Variants in SCN7A observed in about 807,000 individuals in gnomAD.
SCN7A encodes sodium channel protein type 7 subunit alpha.
Under a neutral mutation model 155.2 loss-of-function variants are expected in SCN7A, and 138 were observed. The observed-to-expected ratio is 0.89, with a 90% confidence interval of 0.77 to 1.02. SCN7A has a LOEUF of 1.02. Among genes scored for constraint, SCN7A ranks in the 50% least tolerant of loss-of-function variants. The pLI, the probability that SCN7A is intolerant of heterozygous loss-of-function variation, is 0.00. For synonymous variants in SCN7A, 693 were observed against 649.0 expected (o/e 1.07, Z -1.03); for missense variants, 2,058 against 1,986.6 (o/e 1.04, Z -0.68).
At chr2:166,440,619 TTA>T (rs1262182139) in intron 15 of SCN7A, 3 of 152,100 alleles carry the variant, frequency 2.0e-5, no homozygotes, top group Non-Finnish European at 2.9e-5. Context: ...ACAAATATAT[TTA>T]GTTAAATACA....
intron 11 of SCN7A, among the ~76,000 whole-genome samples, chr2:166,449,466 T>C (rs920755824): frequency 3.3e-5 from 5 of 152,108 alleles, no homozygotes; most frequent in African/African-American, 9.7e-5. Context: ...ATAGATACCA[T>C]GGAAATCATT....
At chr2:166,422,189 C>G (rs1473061512) in intron 19 of SCN7A, among the ~76,000 whole-genome samples, 1 of 152,036 alleles carries the variant, frequency 6.6e-6, no homozygotes, top group Non-Finnish European at 1.5e-5. Context: ...GAGCTTCTAT[C>G]ATTGTTTATA....
intron 2 of SCN7A, among the ~76,000 whole-genome samples, chr2:166,480,496 A>C (rs35549649): frequency 4.0e-5 from 6 of 151,702 alleles, no homozygotes; most frequent in East Asian, 3.9e-4. Flanking sequence ...CAAAAAAAAA[A>C]CAGCCTTTCA....
At chr2:166,453,978 A>C (rs2105458656) in intron 11 of SCN7A, among the ~76,000 whole-genome samples, 1 of 152,312 alleles carries the variant, frequency 6.6e-6, no homozygotes, top group African/African-American at 2.4e-5. Context: ...CTTCCAGGAA[A>C]AGAAATGGGT....
At chr2:166,435,376 C>G (rs192392950) in intron 15 of SCN7A, among the ~76,000 whole-genome samples, 258 of 152,170 alleles carry the variant, frequency 1.7e-3, no homozygotes, top group Non-Finnish European at 2.6e-3. Context: ...ATTCTAGTCA[C>G]AGAATCTGTA....
At chr2:166,463,140 G>A (rs1702451612) in intron 9 of SCN7A, among the ~76,000 whole-genome samples, 1 of 152,106 alleles carries the variant, frequency 6.6e-6, no homozygotes, top group Non-Finnish European at 1.5e-5. Flanking sequence ...TTATTTAAGG[G>A]TGAGAAAACA....
chr2:166,473,889 G>T lies in SCN7A; in HGVS notation c.354-1C>A. On this transcript the variant is annotated splice_acceptor_variant, in intron 4 of 25. Coordinates refer to ENST00000643258, the MANE Select transcript of SCN7A (RefSeq NM_002976.4). LOFTEE classifies it high-confidence loss of function. ...AATTAGAATAAACAGTTGGAAAAAG[G>T]TAGCTTATAGTCAAGGAATAATAGT... The T allele has an allele frequency of 6.7e-7, 1 of 1,499,410 alleles. No homozygotes were observed. The highest frequency in any genetic ancestry group is 9.2e-7 in the Non-Finnish European group (1 of 1,090,812). The allele number at this position is 1,499,410 out of a possible 1,614,324, so 92.9% of individuals were successfully genotyped here.
intron 3 of SCN7A, among the ~76,000 whole-genome samples, chr2:166,476,330 T>C (rs1320936477): frequency 6.6e-6 from 1 of 152,022 alleles, no homozygotes; most frequent in Non-Finnish European, 1.5e-5. Context: ...CAATTCCTTG[T>C]CACCCATTTG....
intron 2 of SCN7A, among the ~76,000 whole-genome samples, chr2:166,478,273 C>T (rs761373266): frequency 5.3e-5 from 8 of 150,218 alleles, no homozygotes; most frequent in East Asian, 1.9e-4. Context: ...ACGTTGTGCA[C>T]GTATACCCTA....
In SCN7A at chr2:166,405,799, C is replaced by CT; in HGVS notation, c.4829dup (p.Ile1611AspfsTer4). 6.2e-7 allele frequency: 1 copy of CT among 1,613,030 alleles called. No individual in the cohort carries two copies. Among genetic ancestry groups the CT allele is most frequent in the Non-Finnish European group, 8.5e-7 (1 of 1,179,354 alleles). On this transcript the variant is annotated frameshift_variant, in exon 26 of 26. Coordinates refer to ENST00000643258, the MANE Select transcript of SCN7A (RefSeq NM_002976.4). LOFTEE classifies it low-confidence loss of function (END_TRUNC). ...TAGTCGTAATTGGCTCACATGTGAT[C>CT]TTAAAAGGGTTGGCTAACAAAAACC...
Position 166,427,756 on chromosome 2 carries a change from C to T in SCN7A, c.2853+32G>A, listed in dbSNP as rs371049303. 20 of 1,574,472 alleles carry T rather than the reference C, an allele frequency of 1.3e-5. No individual in the cohort carries two copies. In the African/African-American group the frequency reaches 2.7e-4, roughly 21 times the overall value. ...AGAATCATGATACATTTGTCCCCAG[C>T]AAAGTATCAAACACCCTGGCTGCCC... On this transcript the variant is annotated intron_variant, in intron 18 of 25. Coordinates refer to ENST00000643258, the MANE Select transcript of SCN7A (RefSeq NM_002976.4).
At chr2:166,475,958 CT>C (rs1702787569) in intron 3 of SCN7A, among the ~76,000 whole-genome samples, 1 of 151,860 alleles carries the variant, frequency 6.6e-6, no homozygotes, top group South Asian at 2.1e-4. Flanking sequence ...AGAACTAGCA[CT>C]TTGCCAGCCA....
intron 14 of SCN7A, 106 bp downstream of exon 14, chr2:166,443,397 C>T (rs537614776): frequency 2.9e-4 from 254 of 871,822 alleles, no homozygotes; most frequent in Admixed American, 7.4e-4. Context: ...TCATTTAATG[C>T]TCCCAATGTC....
intron 15 of SCN7A, among the ~76,000 whole-genome samples, chr2:166,438,322 T>C (rs1008750460): frequency 6.6e-6 from 1 of 152,162 alleles, no homozygotes; most frequent in African/African-American, 2.4e-5. Flanking sequence ...TCTGCCATGA[T>C]TGTAAGTTTC....
intron 11 of SCN7A, among the ~76,000 whole-genome samples, 155 bp downstream of exon 11, chr2:166,456,715 G>T (rs1328568495): frequency 2.6e-5 from 4 of 151,724 alleles, no homozygotes; most frequent in African/African-American, 9.7e-5. Flanking sequence ...TGGAATCTGT[G>T]ACCACCATGG....
chr2:166,413,104 C>A lies in SCN7A; in HGVS notation c.3432G>T (p.Trp1144Cys). The A allele has an allele frequency of 6.5e-7, 1 of 1,529,792 alleles. No homozygotes were observed. The highest frequency in any genetic ancestry group is 8.8e-7 in the Non-Finnish European group (1 of 1,133,276). The allele number at this position is 1,529,792 out of a possible 1,614,324, so 94.8% of individuals were successfully genotyped here. The change falls in exon 22 of 26, where the codon TGG becomes TGT. Residue 1144 changes from tryptophan to cysteine, a missense_variant. Physicochemically the swap from Trp to Cys is radical, Grantham distance 215 (BLOSUM62 -2). Transcript: ENST00000643258. ...CAATTGCTGAATTCATAATAGTGATCCATCCATTAAATGTTGCCTGTAAAA... is the reference window on the plus strand; with the variant it reads ...CAATTGCTGAATTCATAATAGTGATACATCCATTAAATGTTGCCTGTAAAA... ...SLLQVATFNGWITIMNSAIDS... is the reference protein window; with the variant it reads ...SLLQVATFNGCITIMNSAIDS...
chr2:166,441,375 G>A (rs777757175), intron 15 of SCN7A, 21 bp downstream of exon 15: 1 of 1,507,294 alleles, frequency 6.6e-7, no homozygotes, highest in Admixed American at 2.0e-5. Context: ...CATGGAAAAT[G>A]TAAAAGAATT....
chr2:166,476,978 G>C (rs970654143), intron 3 of SCN7A, among the ~76,000 whole-genome samples: 4 of 152,110 alleles, frequency 2.6e-5, no homozygotes, highest in African/African-American at 9.6e-5. Context: ...ACATATAGTA[G>C]TAGGTGCCTA....
Position 166,477,589 on chromosome 2 carries a change from T to G in SCN7A, c.108A>C (p.Glu36Asp). Residue 36 changes from glutamate to aspartate, a missense_variant, in exon 3 of 26, where the codon GAA becomes GAC. Glu to Asp is a conservative substitution (Grantham distance 45). Transcript: ENST00000643258. ...AKTHNEDHEE[E>D]DLKPTPDLEV... ...CCAAATCAGGAGTTGGCTTTAAGTC[T>G]TCTTCTTCATGGTCTTCATTATGTG... 2.5e-6 allele frequency: 4 copies of G among 1,592,576 alleles called. No individual in the cohort carries two copies. Among genetic ancestry groups the G allele is most frequent in the Admixed American group, 1.8e-5 (1 of 56,856 alleles).
Sources: gnomAD v4.1 joint callset for allele counts (sites outside exome capture counted in the v4.1 genomes callset) on GRCh38, gnomAD v4.1.1 for gene constraint, MANE v1.5 for transcripts, NCBI Gene and HGNC (gene_info 2026-07-23, HGNC 2026-07-21) for gene names.